The following DHX35 variants were observed in gnomAD, a reference collection of about 807,000 sequenced individuals.
DHX35 encodes the protein DEAH-box helicase 35, also known as probable ATP-dependent RNA helicase DHX35.
DHX35 carries 84 observed loss-of-function variants against 99.6 expected under a neutral mutation model. The ratio of observed to expected loss-of-function variants is 0.84; its 90% CI spans 0.71 to 1.01. The LOEUF (loss-of-function observed/expected upper bound fraction) is 1.01. Ranked by LOEUF, DHX35 falls within the 50% of genes least tolerant of loss-of-function variation. The pLI is 0.00. For missense variants in DHX35, 852 were observed against 888.5 expected (o/e 0.96, Z 0.52); for synonymous variants, 331 against 316.2 (o/e 1.05, Z -0.50).
chr20:38,963,490 G>A (rs758139298), intron 1 of DHX35, among the ~76,000 whole-genome samples: 18 of 152,282 alleles, frequency 1.2e-4, no homozygotes, highest in Non-Finnish European at 2.5e-4. Flanking sequence ...ACAGTTTTAT[G>A]GTTCAGCATT....
intron 20 of DHX35, among the ~76,000 whole-genome samples, chr20:39,033,057 A>G (rs1418275732): frequency 1.3e-5 from 2 of 152,046 alleles, no homozygotes; most frequent in African/African-American, 4.8e-5. Flanking sequence ...CCTGGGTGCC[A>G]TAGCCAGACC....
intron 12 of DHX35, among the ~76,000 whole-genome samples, chr20:39,008,915 C>G (rs1239617443): frequency 6.6e-6 from 1 of 152,186 alleles, no homozygotes; most frequent in African/African-American, 2.4e-5. Context: ...CCCTGAGCCT[C>G]CATTTCTCTT....
intron 3 of DHX35, chr20:38,978,435 C>A (rs749828606): frequency 5.6e-5 from 34 of 610,034 alleles, no homozygotes; most frequent in Non-Finnish European, 7.8e-5. Flanking sequence ...GGTGGTGGCA[C>A]GTACTTAGGT....
chr20:39,014,218 T>C (rs1297465140), intron 13 of DHX35, among the ~76,000 whole-genome samples: 3 of 152,224 alleles, frequency 2.0e-5, no homozygotes, highest in African/African-American at 7.2e-5. Context: ...CCACATAATT[T>C]AGAGAGAAAA....
At position 38,994,896 on chromosome 20, in the gene DHX35, C is replaced by T; in HGVS notation, c.642+16C>T. 5.6e-6 allele frequency: 9 copies of T among 1,611,828 alleles called. No homozygotes were observed. The highest frequency in any genetic ancestry group is 7.6e-6 in the Non-Finnish European group (9 of 1,178,020). On this transcript the variant is annotated intron_variant, in intron 8 of 21. Transcript: ENST00000252011. ...GGATGCAGACGTAAGAGCCTTGCCT[C>T]CCCTTTCCTCCTCTCCTCACAAACA...
chr20:39,006,824 C>G (rs1007894206), intron 12 of DHX35, among the ~76,000 whole-genome samples: 1 of 152,190 alleles, frequency 6.6e-6, no homozygotes, highest in Non-Finnish European at 1.5e-5. Context: ...TCATAGAAAA[C>G]AAATAGTTGG....
chr20:38,985,856 A>G (rs886467467), intron 4 of DHX35, among the ~76,000 whole-genome samples: 20 of 152,240 alleles, frequency 1.3e-4, no homozygotes, highest in Non-Finnish European at 5.9e-5. Flanking sequence ...TTGAAATGCT[A>G]CATCTCAGAA....
chr20:39,001,404 G>A lies in DHX35; in HGVS notation c.643-326G>A, dbSNP rs2086518329. Among the ~76,000 whole-genome samples, 4 of 152,154 alleles carry A rather than the reference G, an allele frequency of 2.6e-5. No individual in the cohort carries two copies. In the South Asian group the frequency reaches 8.3e-4, roughly 32 times the overall value. On this transcript the variant is annotated intron_variant, in intron 8 of 21. Coordinates refer to ENST00000252011, the MANE Select transcript of DHX35 (RefSeq NM_021931.4). The stretch of plus-strand genomic sequence containing the variant: ...CCTTTGACCTAATTTTTGCTTAAAT[G>A]AAATACAGAGGATAGGAATAATATA...
intron 3 of DHX35, among the ~76,000 whole-genome samples, chr20:38,983,178 C>T (rs538894255): frequency 3.9e-5 from 6 of 152,310 alleles, no homozygotes; most frequent in African/African-American, 1.4e-4. Flanking sequence ...CTCAGCCTCC[C>T]AAAGTGCTGG....
At position 39,038,697 on chromosome 20, in the gene DHX35, GCTGCCCACAGCAT is replaced by G; in HGVS notation, c.*155_*167del. The G allele has an allele frequency of 2.9e-6, 2 of 691,546 alleles. No homozygotes were observed. Among genetic ancestry groups the G allele is most frequent in the South Asian group, 3.7e-5 (2 of 54,118 alleles). 42.8% of individuals were successfully genotyped at this position (691,546 alleles called of 1,614,324 possible). On this transcript the variant is annotated 3_prime_UTR_variant, in exon 22 of 22. Transcript: ENST00000252011. ...GCCTGTTCATTAGTCCTTTCTTCCC[GCTGCCCACAGCAT>G]TTGCATCCTTGCTGGGATCCTGGAG...
rs149702495 is a variant in DHX35 at position 39,039,412 on chromosome 20, C to G, written c.*869C>G. 6.6e-6 allele frequency: 1 copy of G among 152,620 alleles called. No individual in the cohort carries two copies. The highest frequency in any genetic ancestry group is 2.4e-5 in the African/African-American group (1 of 41,442). The allele number at this position is 152,620 out of a possible 1,614,324, so 9.5% of individuals were successfully genotyped here. A position where few individuals can be genotyped will look rare whatever the true frequency, so the allele number is the denominator to read the frequency against. On this transcript the variant is annotated 3_prime_UTR_variant, in exon 22 of 22. Coordinates refer to ENST00000252011, the MANE Select transcript of DHX35 (RefSeq NM_021931.4). ...TTTTGTTTGTTTGCTTGGGTTCTTG[C>G]AAGAGCGCGTGGGGACAGTTCTTCC... is the stretch of plus-strand genomic sequence containing the variant.
chr20:39,023,805 A>G (rs1486295008), intron 17 of DHX35, 38 bp downstream of exon 17: 1 of 1,553,486 alleles, frequency 6.4e-7, no homozygotes, highest in East Asian at 2.2e-5. Context: ...GCCTCAACAC[A>G]CCACCCTCTG....
chr20:38,981,943 C>CAAAAA (rs1161300647), intron 3 of DHX35, among the ~76,000 whole-genome samples: 6 of 87,250 alleles, frequency 6.9e-5, no homozygotes, highest in Non-Finnish European at 7.2e-5. Flanking sequence ...GACTCTGTCT[C>CAAAAA]AAAAAAAAAA....
At chr20:39,017,055 A>ATT (rs2086796966) in intron 14 of DHX35, among the ~76,000 whole-genome samples, 1 of 151,676 alleles carries the variant, frequency 6.6e-6, no homozygotes, top group Admixed American at 6.6e-5. Flanking sequence ...GTGTGGTTCC[A>ATT]TTTATCTGTA....
chr20:39,025,494 T>G, intron 18 of DHX35, 135 bp downstream of exon 18: 5 of 1,119,612 alleles, frequency 4.5e-6, no homozygotes, highest in Non-Finnish European at 6.1e-6. Flanking sequence ...TATTTTGAGT[T>G]GCCTGCATCT....
intron 3 of DHX35, among the ~76,000 whole-genome samples, chr20:38,976,717 G>A (rs892475108): frequency 6.6e-6 from 1 of 152,062 alleles, no homozygotes; most frequent in African/African-American, 2.4e-5. Context: ...CTATAACTCT[G>A]TGCTTGTTGA....
intron 10 of DHX35, 108 bp downstream of exon 10, chr20:39,002,976 T>G: frequency 1.0e-6 from 1 of 998,478 alleles, no homozygotes. Context: ...TTGTTGTATT[T>G]TGTGGTTCCA....
At chr20:39,012,418 C>G (rs2086718156) in intron 13 of DHX35, among the ~76,000 whole-genome samples, 1 of 151,960 alleles carries the variant, frequency 6.6e-6, no homozygotes, top group Non-Finnish European at 1.5e-5. Context: ...CTAAATAAAG[C>G]TAAAGGAAAA....
intron 1 of DHX35, among the ~76,000 whole-genome samples, chr20:38,964,070 C>T (rs1387081342): frequency 6.6e-6 from 1 of 152,014 alleles, no homozygotes; most frequent in Non-Finnish European, 1.5e-5. Flanking sequence ...GATCTTGGCA[C>T]TAGATAGGTT....
Sources: allele counts gnomAD v4.1 joint callset (sites outside exome capture counted in the v4.1 genomes callset), GRCh38; gene constraint gnomAD v4.1.1; transcripts MANE v1.5; gene names NCBI Gene and HGNC (gene_info 2026-07-23, HGNC 2026-07-21).